The following POLR2F variants were observed in gnomAD, a reference collection of about 807,000 sequenced individuals.
POLR2F encodes the protein DNA-directed RNA polymerases I, II, and III subunit RPABC2.
In POLR2F, 12 loss-of-function variants were observed where a neutral mutation model predicts 22.7. The ratio of observed to expected loss-of-function variants is 0.53; its 90% CI spans 0.34 to 0.86. The LOEUF (loss-of-function observed/expected upper bound fraction) is 0.86. POLR2F is among the 40% of genes least tolerant of loss of function. POLR2F has a pLI of 0.02. For synonymous variants in POLR2F, 57 were observed against 66.0 expected (o/e 0.86, Z 0.66); for missense variants, 126 against 171.5 (o/e 0.73, Z 1.48).
At chr22:38,040,881 G>A (rs2085165626) in intron 5 of POLR2F, 1 of 816,262 alleles carries the variant, frequency 1.2e-6, no homozygotes, top group East Asian at 2.6e-5. Context: ...ACGTGTGGAG[G>A]ATGTGCCAAG....
chr22:37,992,044 A>AG (rs2145789542), intron 1 of POLR2F, among the ~76,000 whole-genome samples: 1 of 152,300 alleles, frequency 6.6e-6, no homozygotes, highest in Non-Finnish European at 1.5e-5. Flanking sequence ...ACATTGTTAG[A>AG]GATGGTGTCT....
intron 1 of POLR2F, 66 bp downstream of exon 1, chr22:37,953,873 T>G: frequency 6.4e-7 from 1 of 1,561,374 alleles, no homozygotes; most frequent in South Asian, 1.2e-5. Context: ...AAGGCTTGGG[T>G]CGGCTGAGGA....
rs376084818 is a variant in POLR2F, at chr22:37,956,755, T to G, written c.21-18T>G. On this transcript the variant is annotated intron_variant, in intron 1 of 4. Transcript: ENST00000442738. ...TTTAAGTGATGCTCTAAGTAACTGA[T>G]CTCTTCTTCCTGTACAGTTTTGATG... is the stretch of plus-strand genomic sequence containing the variant. 2.1e-5 allele frequency: 34 copies of G among 1,604,676 alleles called. No homozygotes were observed. Among genetic ancestry groups the G allele is most frequent in the Non-Finnish European group, 2.9e-5 (34 of 1,171,428 alleles).
downstream of POLR2F, chr22:37,973,276 C>T (rs553365271): frequency 7.6e-6 from 4 of 527,276 alleles, no homozygotes; most frequent in Non-Finnish European, 1.3e-5. Context: ...CCTCCTTCTC[C>T]TCTGTCCAGC....
chr22:37,974,237 G>C, downstream of POLR2F: 1 of 1,529,166 alleles, frequency 6.5e-7, no homozygotes, highest in Non-Finnish European at 8.9e-7. The surrounding 1 kb of genome is among the most constrained non-coding windows in gnomAD (Gnocchi z 5.4). Context: ...GCGCAAGGGG[G>C]AAGCAGGTTA....
chr22:37,963,543 A>C (rs1212110567), intron 3 of POLR2F, among the ~76,000 whole-genome samples: 1 of 152,162 alleles, frequency 6.6e-6, no homozygotes, highest in Non-Finnish European at 1.5e-5. Context: ...AAGTGCTGGG[A>C]TTACAACTAG....
chr22:37,978,064 T>C lies in POLR2F; in HGVS notation c.293+10894T>C. 1 of 1,609,916 alleles carries C rather than the reference T, an allele frequency of 6.2e-7. No homozygotes were observed. The highest frequency in any genetic ancestry group is 2.2e-5 in the East Asian group (1 of 44,794). On this transcript the variant is annotated intron_variant, in intron 4 of 4. Coordinates refer to the POLR2F transcript ENST00000405557. This position sits in a 1 kb window ranked among gnomAD's most constrained non-coding sequence, Gnocchi z 5.0. ...GGGCTGGTACTTGTAGTCCGGGTGGTCTTTCTTGTGCTGCATACGGAGCCG... is the reference window on the plus strand; with the variant it reads ...GGGCTGGTACTTGTAGTCCGGGTGGCCTTTCTTGTGCTGCATACGGAGCCG...
chr22:38,014,252 T>C (rs1356863207), intron 1 of POLR2F, among the ~76,000 whole-genome samples: 4 of 152,142 alleles, frequency 2.6e-5, no homozygotes, highest in African/African-American at 9.7e-5. Context: ...TAGATGATTA[T>C]GTTGTTTGTG....
At position 37,974,806 on chromosome 22, in the gene POLR2F, G is replaced by A. The variant is rs1275401660; in HGVS notation, c.293+7636G>A. 1.3e-5 allele frequency among the ~76,000 whole-genome samples: 2 copies of A among 152,162 alleles called. No homozygotes were observed. Among genetic ancestry groups the A allele is most frequent in the Non-Finnish European group, 2.9e-5 (2 of 68,032 alleles). On this transcript the variant is annotated intron_variant, in intron 4 of 4. Coordinates refer to the POLR2F transcript ENST00000405557. This position sits in a 1 kb window ranked among gnomAD's most constrained non-coding sequence, Gnocchi z 5.4. ...TCATCAGCTTCTCTGCTGTCCAGGT[G>A]GTCTGGCCCAGCCTTTGCGCTCTGC... is the stretch of plus-strand genomic sequence containing the variant.
chr22:37,973,926 G>A, downstream of POLR2F: 1 of 1,610,326 alleles, frequency 6.2e-7, no homozygotes, highest in Non-Finnish European at 8.5e-7. Flanking sequence ...GCCACGGCCA[G>A]GGCACTGCCC....
chr22:37,976,796 C>T (rs1183330510), intron 4 of POLR2F, among the ~76,000 whole-genome samples: 1 of 152,158 alleles, frequency 6.6e-6, no homozygotes, highest in African/African-American at 2.4e-5. Context: ...AACAGAGTAG[C>T]TGCTCAATTA....
At chr22:38,007,682 C>G (rs1007090112) in intron 1 of POLR2F, among the ~76,000 whole-genome samples, 5 of 152,214 alleles carry the variant, frequency 3.3e-5, no homozygotes, top group African/African-American at 1.2e-4. Flanking sequence ...AGGGCCTTGC[C>G]TGGGCCCATC....
chr22:38,004,673 A>G (rs1455478408), intron 1 of POLR2F, among the ~76,000 whole-genome samples: 1 of 152,218 alleles, frequency 6.6e-6, no homozygotes, highest in Non-Finnish European at 1.5e-5. Flanking sequence ...GGCTGGCCGC[A>G]TTGGTTCATG....
intron 1 of POLR2F, among the ~76,000 whole-genome samples, chr22:37,955,803 CT>C (rs1007624012): frequency 7.2e-5 from 11 of 151,816 alleles, no homozygotes; most frequent in African/African-American, 2.7e-4. Context: ...GTGCCTCAGC[CT>C]CCTGAGTAGC....
At chr22:37,986,068 T>C, upstream of POLR2F, 1 of 1,426,836 alleles carries the variant, frequency 7.0e-7, no homozygotes, top group Non-Finnish European at 9.2e-7. The surrounding 1 kb of genome is among the most constrained non-coding windows in gnomAD (Gnocchi z 4.7). Context: ...TTCGGGGCCT[T>C]GAAACAGTGA....
At chr22:38,028,512 A>G (rs2085035279), downstream of POLR2F, among the ~76,000 whole-genome samples, 1 of 151,504 alleles carries the variant, frequency 6.6e-6, no homozygotes. Context: ...GCGTGTGCGT[A>G]CGTGTGTGTG....
At position 38,017,722 on chromosome 22, in the gene POLR2F, G is replaced by T. The variant is rs555971290; in HGVS notation, c.121-8147G>T. ...TGTAGCACCAGCCAAGAAGTCACCC[G>T]CCCCCGCTGGCACAGCTCCAGTGAC... On this transcript the variant is annotated intron_variant, in intron 1 of 2. Coordinates refer to the POLR2F transcript ENST00000333418. The surrounding 1 kb of genome is among the most constrained non-coding windows in gnomAD (Gnocchi z 4.1). 2.5e-3 allele frequency among the ~76,000 whole-genome samples: 387 copies of T among 152,226 alleles called. No homozygotes were observed. Among genetic ancestry groups the T allele is most frequent in the Admixed American group, 4.2e-3 (65 of 15,310 alleles).
chr22:37,990,409 C>A (rs567974917), intron 1 of POLR2F, among the ~76,000 whole-genome samples: 2 of 152,400 alleles, frequency 1.3e-5, no homozygotes, highest in Non-Finnish European at 2.9e-5. Flanking sequence ...GGCCTCTGCT[C>A]TCTTCTGAGA....
intron 4 of POLR2F, among the ~76,000 whole-genome samples, chr22:37,976,901 C>A (rs1471976349): frequency 2.6e-5 from 4 of 152,168 alleles, no homozygotes; most frequent in Non-Finnish European, 4.4e-5. Flanking sequence ...CATGTCTCCT[C>A]TGTCAGAATG....
Sources: allele counts gnomAD v4.1 joint callset (sites outside exome capture counted in the v4.1 genomes callset), GRCh38; gene constraint gnomAD v4.1.1; non-coding constraint Gnocchi (gnomAD v3.1); transcripts MANE v1.5; gene names NCBI Gene and HGNC (gene_info 2026-07-23, HGNC 2026-07-21).